The following SEPTIN9 variants were observed in gnomAD, a reference collection of about 807,000 sequenced individuals.
SEPTIN9 encodes septin-9.
A neutral mutation model predicts 56.6 loss-of-function variants in SEPTIN9; 13 were observed. The observed-to-expected ratio is 0.23, with a 90% CI of 0.15 to 0.37. The LOEUF (loss-of-function observed/expected upper bound fraction) is 0.37, where lower values mean the gene tolerates loss of function less well. Among genes scored for constraint, SEPTIN9 ranks in the 10% least tolerant of loss-of-function variants. The probability of loss-of-function intolerance (pLI) is 1.00; values close to 1 mark genes in which losing one functional copy is unlikely to be tolerated. For synonymous variants in SEPTIN9, 332 were observed against 334.1 expected, an observed-to-expected ratio of 0.99 and a Z score of 0.07; for missense variants, 650 against 823.1, an observed-to-expected ratio of 0.79 and a Z score of 2.57.
In SEPTIN9 at chr17:77,402,064, A is replaced by T. The variant is rs2035918186; in HGVS notation, c.82A>T (p.Lys28Ter). Residue 28 changes from lysine to a stop codon, truncating the protein, a stop_gained, in exon 3 of 12, where the codon AAA (lysine) becomes TAA (stop). Coordinates refer to ENST00000427177, the MANE Select transcript of SEPTIN9 (RefSeq NM_001113491.2). LOFTEE classifies it high-confidence loss of function. The surrounding 1 kb of genome is among the most constrained non-coding windows in gnomAD (Gnocchi z 6.6). ...CCCCTCTCTTTATTTTTCAGCCTTG[A>T]AAAGATCTTTTGAGGTCGAGGAGGT... ...RLGDSSGPAL[K>*]RSFEVEEVET... is the part of the protein sequence containing the mutation. 1 of 1,611,612 alleles carries T rather than the reference A, an allele frequency of 6.2e-7. No homozygotes were observed.
chr17:77,443,555 G>A (rs778371290), intron 3 of SEPTIN9, among the ~76,000 whole-genome samples: 1 of 152,162 alleles, frequency 6.6e-6, no homozygotes, highest in Non-Finnish European at 1.5e-5. Flanking sequence ...CACTTTGAGA[G>A]GCTGAGGTCG....
chr17:77,388,810 CTTT>C (rs5822196), intron 2 of SEPTIN9, among the ~76,000 whole-genome samples: 5,433 of 77,908 alleles, frequency 0.07, 133 homozygotes, highest in Admixed American at 0.12. Context: ...GTGTTAGGCG[CTTT>C]TTTTTTTTTT....
chr17:77,493,194 C>T (rs2040110234), intron 10 of SEPTIN9, 118 bp downstream of exon 10: 4 of 766,848 alleles, frequency 5.2e-6, no homozygotes, highest in African/African-American at 2.3e-5. Context: ...ACTGCCTTGC[C>T]CCACCCAGAG....
At chr17:77,292,709 G>A (rs1262536835) in intron 1 of SEPTIN9, among the ~76,000 whole-genome samples, 1 of 152,106 alleles carries the variant, frequency 6.6e-6, no homozygotes, top group Non-Finnish European at 1.5e-5. Flanking sequence ...GGCCGGGCTG[G>A]TCTCGAACTC....
intron 1 of SEPTIN9, among the ~76,000 whole-genome samples, chr17:77,295,169 T>C (rs1213139513): frequency 1.3e-5 from 2 of 152,154 alleles, no homozygotes; most frequent in Admixed American, 1.3e-4. Context: ...GAAAATATTT[T>C]CCATTTTGTA....
At chr17:77,482,488 C>A in intron 4 of SEPTIN9, 153 bp downstream of exon 4, 1 of 803,394 alleles carries the variant, frequency 1.2e-6, no homozygotes, top group Non-Finnish European at 2.1e-6. Flanking sequence ...ATTGCGTGTG[C>A]ATGCATGCGC....
chr17:77,351,126 T>G (rs181447437), intron 2 of SEPTIN9, among the ~76,000 whole-genome samples: 1 of 152,152 alleles, frequency 6.6e-6, no homozygotes, highest in Non-Finnish European at 1.5e-5. Context: ...ATTTTCCTTT[T>G]TTCTGGCTTA....
At position 77,369,535 on chromosome 17, in the gene SEPTIN9, G is replaced by A. The variant is rs2034659554; in HGVS notation, c.77-32524G>A. 6.6e-6 allele frequency among the ~76,000 whole-genome samples: 1 copy of A among 152,170 alleles called. No individual in the cohort carries two copies. Among genetic ancestry groups the A allele is most frequent in the Admixed American group, 6.5e-5 (1 of 15,288 alleles). ...TGGTAGCACCGTTTCCTAAGATGAG[G>A]GGCTGTGGGAACTTGAGGGGCTGTG... On this transcript the variant is annotated intron_variant, in intron 2 of 11. Coordinates refer to ENST00000427177, the MANE Select transcript of SEPTIN9 (RefSeq NM_001113491.2). The surrounding 1 kb of genome is among the most constrained non-coding windows in gnomAD (Gnocchi z 4.9).
chr17:77,407,731 G>C (rs775519071), intron 3 of SEPTIN9, among the ~76,000 whole-genome samples: 1 of 152,236 alleles, frequency 6.6e-6, no homozygotes, highest in African/African-American at 2.4e-5. Context: ...CTCGGTTTCC[G>C]AGGCTCTGGC....
At chr17:77,498,368 C>CAACA (rs2040362214) in intron 11 of SEPTIN9, among the ~76,000 whole-genome samples, 155 bp from the exon 12 acceptor site, 2 of 150,506 alleles carry the variant, frequency 1.3e-5, no homozygotes, top group African/African-American at 4.9e-5. Context: ...CATGGTGGGC[C>CAACA]TGGGGGACCC....
intron 2 of SEPTIN9, among the ~76,000 whole-genome samples, chr17:77,368,173 T>A (rs2034624960): frequency 6.6e-6 from 1 of 152,244 alleles, no homozygotes; most frequent in African/African-American, 2.4e-5. Context: ...GGAGTTATTG[T>A]TTAATGAGGA....
Position 77,354,303 on chromosome 17 carries a change from G to C in SEPTIN9, c.76+47106G>C, listed in dbSNP as rs547247456. On this transcript the variant is annotated intron_variant, in intron 2 of 11. Transcript: ENST00000427177. ...GGATAAAGGGACTTGCCCAAGGTCTGTCTCTACCTTACACGCACATGAACG... is the reference window on the plus strand; with the variant it reads ...GGATAAAGGGACTTGCCCAAGGTCTCTCTCTACCTTACACGCACATGAACG... Among the ~76,000 whole-genome samples, 79 of 152,300 alleles carry C rather than the reference G, an allele frequency of 5.2e-4. 1 individual carries two copies. Among genetic ancestry groups the C allele is most frequent in the Admixed American group, 3.5e-3 (53 of 15,294 alleles).
At chr17:77,380,255 G>GCCCCCCCCCCCCC (rs1598281507) in intron 2 of SEPTIN9, 1 of 10,022 alleles carries the variant, frequency 1.0e-4, no homozygotes, top group Non-Finnish European at 2.0e-4. Context: ...AAACAGTGAG[G>GCCCCCCCCCCCCC]CCCGCCCCCC....
intron 2 of SEPTIN9, chr17:77,373,338 T>A: frequency 8.6e-7 from 1 of 1,168,660 alleles, no homozygotes. Flanking sequence ...TCCTCCCCCA[T>A]TCATTCAGCT....
intron 2 of SEPTIN9, among the ~76,000 whole-genome samples, chr17:77,365,922 C>A (rs937864878): frequency 2.6e-5 from 4 of 152,172 alleles, no homozygotes; most frequent in Admixed American, 1.3e-4. Context: ...GGTGACTCAG[C>A]CCTCATCCCT....
chr17:77,379,441 T>G (rs1355782797), intron 2 of SEPTIN9, among the ~76,000 whole-genome samples: 1 of 152,174 alleles, frequency 6.6e-6, no homozygotes, highest in Non-Finnish European at 1.5e-5. Context: ...ATATGCAGAC[T>G]GTGCATTTGT....
chr17:77,431,944 A>G (rs767185066), intron 3 of SEPTIN9, among the ~76,000 whole-genome samples: 2 of 151,876 alleles, frequency 1.3e-5, no homozygotes, highest in Admixed American at 6.6e-5. Context: ...CCAAATAGCC[A>G]TGGGAGGGTG....
At chr17:77,341,496 T>C (rs1226480160) in intron 2 of SEPTIN9, among the ~76,000 whole-genome samples, 3 of 152,214 alleles carry the variant, frequency 2.0e-5, no homozygotes, top group African/African-American at 7.2e-5. Context: ...CACTGATCAC[T>C]GGGCGCGGTG....
chr17:77,348,548 C>T (rs1311582607), intron 2 of SEPTIN9, among the ~76,000 whole-genome samples: 1 of 152,138 alleles, frequency 6.6e-6, no homozygotes. Flanking sequence ...GATCCGCCCA[C>T]CCTGGCCTCC....
Sources: allele counts gnomAD v4.1 joint callset (sites outside exome capture counted in the v4.1 genomes callset), GRCh38; gene constraint gnomAD v4.1.1; non-coding constraint Gnocchi (gnomAD v3.1); transcripts MANE v1.5; gene names NCBI Gene and HGNC (gene_info 2026-07-23, HGNC 2026-07-21).